DDX31: variants seen among roughly 807,000 people sequenced by gnomAD.
DDX31 encodes the protein DEAD-box helicase 31.
A neutral mutation model predicts 91.3 loss-of-function variants in DDX31; 70 were observed. The observed-to-expected ratio is 0.77, with a 90% confidence interval of 0.63 to 0.94. DDX31 has a LOEUF of 0.94. Among genes scored for constraint, DDX31 ranks in the 40% least tolerant of loss-of-function variants. The pLI is 0.00. For missense variants in DDX31, 902 were observed against 925.0 expected (o/e 0.98, Z 0.32); for synonymous variants, 362 against 350.6 (o/e 1.03, Z -0.36).
chr9:132,596,600 G>A (rs1432784549), intron 19 of DDX31, among the ~76,000 whole-genome samples: 1 of 152,194 alleles, frequency 6.6e-6, no homozygotes, highest in Non-Finnish European at 1.5e-5. Flanking sequence ...GGTGGGTACG[G>A]TTATTATCCT....
Position 132,646,768 on chromosome 9 carries a change from C to T in DDX31, c.1203+55G>A, listed in dbSNP as rs1833864372. On this transcript the variant is annotated intron_variant, in intron 12 of 19. Transcript: ENST00000372159. ...ACTCATTGCTCCCAATGGCTTAACA[C>T]AAGAAAGCAGGCCTTTCTTCCCTGA... 2.6e-6 allele frequency: 4 copies of T among 1,561,904 alleles called. No homozygotes were observed. In the East Asian group the frequency reaches 9.0e-5, roughly 35 times the overall value.
intron 17 of DDX31, among the ~76,000 whole-genome samples, chr9:132,619,175 T>G (rs1413483898): frequency 6.6e-6 from 1 of 152,250 alleles, no homozygotes; most frequent in African/African-American, 2.4e-5. Context: ...CTTTTCATCC[T>G]TTAACAGTAC....
intron 14 of DDX31, among the ~76,000 whole-genome samples, chr9:132,633,612 T>C (rs1473298733): frequency 6.6e-6 from 1 of 151,940 alleles, no homozygotes; most frequent in Non-Finnish European, 1.5e-5. Context: ...TGTAAGAAGT[T>C]GGGAAAATAC....
intron 1 of DDX31, chr9:132,663,619 G>A: frequency 1.4e-5 from 10 of 701,076 alleles, no homozygotes; most frequent in Non-Finnish European, 1.8e-5. Context: ...TTATTCTGGA[G>A]TTTTGGGTTC....
intron 17 of DDX31, among the ~76,000 whole-genome samples, chr9:132,618,971 G>A (rs1831819457): frequency 6.6e-6 from 1 of 152,176 alleles, no homozygotes; most frequent in Non-Finnish European, 1.5e-5. Context: ...GACTTCTAGT[G>A]TTTCAAATTT....
At chr9:132,658,614 G>T in intron 6 of DDX31, 57 bp downstream of exon 6, 1 of 1,485,346 alleles carries the variant, frequency 6.7e-7, no homozygotes, top group Non-Finnish European at 9.3e-7. Flanking sequence ...TTATGCTTCA[G>T]TTTGATGGTT....
intron 19 of DDX31, among the ~76,000 whole-genome samples, chr9:132,609,410 G>A (rs1831200708): frequency 6.6e-6 from 1 of 152,088 alleles, no homozygotes; most frequent in Admixed American, 6.6e-5. Context: ...TCTCCCTAGC[G>A]GCTTCTCAAG....
At chr9:132,648,321 T>C in intron 10 of DDX31, 26 bp from the exon 11 acceptor site, 1 of 1,600,590 alleles carries the variant, frequency 6.2e-7, no homozygotes, top group Non-Finnish European at 8.5e-7. Context: ...AAAAAAGAAA[T>C]TTTCAACTAT....
At chr9:132,662,761 TG>T in intron 1 of DDX31, 66 bp from the exon 2 acceptor site, 1 of 1,598,214 alleles carries the variant, frequency 6.3e-7, no homozygotes, top group Non-Finnish European at 8.5e-7. Flanking sequence ...GAGCTCGGAG[TG>T]AAGCCTGACT....
chr9:132,597,209 T>A (rs1278149396), intron 19 of DDX31, among the ~76,000 whole-genome samples: 3 of 152,082 alleles, frequency 2.0e-5, no homozygotes, highest in Admixed American at 2.0e-4. Context: ...GCGAGTCTCA[T>A]CATGGGTCAC....
chr9:132,669,673 C>A, intron 1 of DDX31, 187 bp downstream of exon 1: 2 of 1,533,454 alleles, frequency 1.3e-6, no homozygotes, highest in Non-Finnish European at 1.7e-6. Flanking sequence ...CAGGCGCATC[C>A]CTGCGGGTGG....
chr9:132,656,488 C>T (rs972271713), intron 6 of DDX31, among the ~76,000 whole-genome samples: 3 of 152,202 alleles, frequency 2.0e-5, no homozygotes, highest in African/African-American at 7.2e-5. Flanking sequence ...CCATGCACTG[C>T]CCGTCGGGTC....
intron 14 of DDX31, chr9:132,637,817 T>A: frequency 1.0e-6 from 1 of 985,160 alleles, no homozygotes; most frequent in South Asian, 4.7e-5. Flanking sequence ...CGAAACAAAA[T>A]AAAACGAAAA....
At chr9:132,608,828 A>T (rs897134428) in intron 19 of DDX31, among the ~76,000 whole-genome samples, 2 of 152,108 alleles carry the variant, frequency 1.3e-5, no homozygotes, top group African/African-American at 4.8e-5. Context: ...GGTTTAATGG[A>T]CTTTTCTTTC....
intron 19 of DDX31, among the ~76,000 whole-genome samples, chr9:132,611,062 T>A (rs1053141256): frequency 1.3e-5 from 2 of 151,914 alleles, no homozygotes; most frequent in Non-Finnish European, 2.9e-5. Context: ...AAGCACAGAG[T>A]GGTCCTTCCC....
At chr9:132,668,400 T>C (rs1429647312) in intron 1 of DDX31, among the ~76,000 whole-genome samples, 1 of 152,138 alleles carries the variant, frequency 6.6e-6, no homozygotes, top group East Asian at 1.9e-4. Flanking sequence ...AAACTCCTAG[T>C]TGCCAGTCCT....
At chr9:132,635,714 G>C (rs558381612) in intron 14 of DDX31, among the ~76,000 whole-genome samples, 17 of 151,466 alleles carry the variant, frequency 1.1e-4, no homozygotes, top group Middle Eastern at 3.4e-3. Context: ...GGGGGGCCGA[G>C]GTGGGTGAAT....
chr9:132,658,382 C>T lies in DDX31; in HGVS notation c.588+289G>A, dbSNP rs1188234624. On this transcript the variant is annotated intron_variant, in intron 6 of 19. Transcript: ENST00000372159. ...ACCTATAACACAGTGGGGGAGAGAG[C>T]AGTTAAAGATTCAAGAAGGGAACAC... 5.7e-6 allele frequency: 4 copies of T among 702,908 alleles called. No individual in the cohort carries two copies. The Admixed American group carries it at 8.0e-5, about 14-fold the overall frequency. 43.5% of individuals were successfully genotyped at this position (702,908 alleles called of 1,614,324 possible).
intron 19 of DDX31, among the ~76,000 whole-genome samples, chr9:132,601,944 G>A (rs306541): frequency 0.78 from 119,044 of 152,192 alleles, 47,217 homozygotes; most frequent in African/African-American, 0.92. Context: ...CTCAGTAAAT[G>A]CTGACTAGTG....
Sources: gnomAD v4.1 joint callset for allele counts (sites outside exome capture counted in the v4.1 genomes callset) on GRCh38, gnomAD v4.1.1 for gene constraint, MANE v1.5 for transcripts, NCBI Gene and HGNC (gene_info 2026-07-23, HGNC 2026-07-21) for gene names.